The following ZNF248 variants were observed in gnomAD, a reference collection of about 807,000 sequenced individuals.
The protein encoded by ZNF248 is KRAB protein domain.
Under a neutral mutation model 44.3 loss-of-function variants are expected in ZNF248, and 20 were observed. That is an observed-to-expected ratio of 0.45 (90% confidence interval 0.32 to 0.66). The LOEUF is 0.66. ZNF248 is among the 30% of genes least tolerant of loss of function. The pLI is 0.04. For missense variants in ZNF248, 654 were observed against 677.0 expected (o/e 0.97, Z 0.38); for synonymous variants, 224 against 229.0 (o/e 0.98, Z 0.20).
At chr10:37,785,922 C>T (rs751162428) in intron 6 of ZNF248, among the ~76,000 whole-genome samples, 4 of 152,164 alleles carry the variant, frequency 2.6e-5, no homozygotes, top group African/African-American at 7.2e-5. Context: ...GTAGTGCACA[C>T]AAATTGTGCA....
chr10:37,791,042 CTTTTTTTTTTT>C (rs869199263), intron 6 of ZNF248, among the ~76,000 whole-genome samples: 562 of 50,904 alleles, frequency 0.011, 3 homozygotes, highest in African/African-American at 0.037. Context: ...TTTGTTATTT[CTTTTTTTTTTT>C]TTTTTTTTTT....
intron 6 of ZNF248, among the ~76,000 whole-genome samples, chr10:37,789,995 C>G (rs1341016884): frequency 6.6e-6 from 1 of 151,976 alleles, no homozygotes; most frequent in Admixed American, 6.6e-5. Context: ...GGCGCCATGG[C>G]TCATGCCTGT....
intron 6 of ZNF248, among the ~76,000 whole-genome samples, chr10:37,786,045 A>G (rs913265310): frequency 6.6e-6 from 1 of 152,204 alleles, no homozygotes; most frequent in Non-Finnish European, 1.5e-5. Context: ...TGTTCACACA[A>G]GCCCAAGAAT....
the ZNF248 span, among the ~76,000 whole-genome samples, chr10:37,767,806 C>G: frequency 6.6e-6 from 1 of 152,150 alleles, no homozygotes; most frequent in South Asian, 2.1e-4. Context: ...GGACTAAATG[C>G]TCCAATTAAA....
At chr10:37,844,821 AAGAC>A (rs1451935354) in intron 3 of ZNF248, among the ~76,000 whole-genome samples, 4 of 152,108 alleles carry the variant, frequency 2.6e-5, no homozygotes, top group African/African-American at 7.2e-5. Flanking sequence ...AACAATTCGA[AAGAC>A]AGAAAAAAAA....
chr10:37,827,851 G>T (rs1241499275), downstream of ZNF248, among the ~76,000 whole-genome samples: 2 of 152,152 alleles, frequency 1.3e-5, no homozygotes, highest in Non-Finnish European at 2.9e-5. Context: ...TACAGGTAGG[G>T]TGTGAAGTGA....
chr10:37,844,827 GA>G (rs200808985), intron 3 of ZNF248, among the ~76,000 whole-genome samples: 5 of 151,652 alleles, frequency 3.3e-5, no homozygotes, highest in Admixed American at 2.0e-4. Context: ...TCGAAAGACA[GA>G]AAAAAAACAG....
the ZNF248 span, among the ~76,000 whole-genome samples, chr10:37,770,895 A>G: frequency 6.6e-6 from 1 of 152,252 alleles, no homozygotes; most frequent in Non-Finnish European, 1.5e-5. Context: ...TAATATCCGG[A>G]ATCTACAATG....
At position 37,819,379 on chromosome 10, in the gene ZNF248, T is replaced by C. The variant is rs542119625; in HGVS notation, c.330+13646A>G. 226 of 1,344,090 alleles carry C rather than the reference T, an allele frequency of 1.7e-4. No homozygotes were observed. The African/African-American group carries it at 3.1e-3, about 18-fold the overall frequency. The allele number at this position is 1,344,090 out of a possible 1,614,324, so 83.3% of individuals were successfully genotyped here. On this transcript the variant is annotated intron_variant, in intron 6 of 6. Coordinates refer to the ZNF248 transcript ENST00000615949. ...GATCCAGTTCTTTATGAATCCAGTA[T>C]TCCCTACATGCATGCTTGTGGTAAT...
intron 6 of ZNF248, among the ~76,000 whole-genome samples, chr10:37,786,612 T>C (rs2047900860): frequency 6.6e-6 from 1 of 152,222 alleles, no homozygotes; most frequent in South Asian, 2.1e-4. Context: ...AATCATTCCA[T>C]TGAAAAAATA....
rs2133893031 is a variant in ZNF248, at chr10:37,831,794, T to A, written c.1561A>T (p.Lys521Ter). 6.2e-7 allele frequency: 1 copy of A among 1,612,644 alleles called. No homozygotes were observed. The highest frequency in any genetic ancestry group is 1.7e-5 in the Admixed American group (1 of 59,914). Residue 521 changes from lysine to a stop codon, truncating the protein, a stop_gained, in exon 6 of 6, where the codon AAG becomes TAG. Transcript: ENST00000395867. LOFTEE classifies it high-confidence loss of function. ...AAGGTTTTCCCACATTCATTACACT[T>A]ATATGGTTTCTCCCCAGTGTGAGTT... ...QRTHTGEKPY[K>*]CNECGKTFCE...
At chr10:37,780,743 C>T (rs914511267) in intron 6 of ZNF248, among the ~76,000 whole-genome samples, 4 of 152,124 alleles carry the variant, frequency 2.6e-5, no homozygotes, top group Non-Finnish European at 5.9e-5. Context: ...CCCGGCCACC[C>T]TCCGACTCAC....
chr10:37,851,195 A>T (rs190775758), intron 3 of ZNF248, among the ~76,000 whole-genome samples: 2 of 152,372 alleles, frequency 1.3e-5, no homozygotes, highest in Admixed American at 6.5e-5. Context: ...AGTAGACACA[A>T]GAAAGCTGTC....
chr10:37,774,398 G>A (rs1469038507), downstream of ZNF248, among the ~76,000 whole-genome samples: 2 of 152,166 alleles, frequency 1.3e-5, no homozygotes, highest in African/African-American at 2.4e-5. Flanking sequence ...CTTTAAAAGC[G>A]CTAAATTCAC....
intron 5 of ZNF248, 56 bp downstream of exon 5, chr10:37,837,561 A>G: frequency 6.9e-7 from 1 of 1,443,612 alleles, no homozygotes; most frequent in South Asian, 1.2e-5. Context: ...ATCCTAAACC[A>G]ATTACCTAAG....
At chr10:37,846,725 TA>T (rs1293560054) in intron 3 of ZNF248, among the ~76,000 whole-genome samples, 1 of 152,114 alleles carries the variant, frequency 6.6e-6, no homozygotes, top group Non-Finnish European at 1.5e-5. Context: ...CAATCTATGA[TA>T]AATTCTTAGC....
intron 6 of ZNF248, among the ~76,000 whole-genome samples, chr10:37,804,721 C>T (rs1440278978): frequency 4.6e-5 from 7 of 152,170 alleles, no homozygotes; most frequent in African/African-American, 4.8e-5. Flanking sequence ...GGATTACAGG[C>T]GTCAGCCACG....
chr10:37,825,951 T>C (rs116160701), downstream of ZNF248, among the ~76,000 whole-genome samples: 909 of 151,046 alleles, frequency 6.0e-3, 6 homozygotes, highest in African/African-American at 0.021. Flanking sequence ...TGTAGAAAGG[T>C]ATATGCTCAA....
chr10:37,809,469 G>C (rs536206423), intron 6 of ZNF248, among the ~76,000 whole-genome samples: 64 of 152,140 alleles, frequency 4.2e-4, no homozygotes, highest in African/African-American at 1.4e-3. Flanking sequence ...GTAGAGACAG[G>C]GTTTCACCAT....
Sources: gnomAD v4.1 joint callset for allele counts (sites outside exome capture counted in the v4.1 genomes callset) on GRCh38, gnomAD v4.1.1 for gene constraint, MANE v1.5 for transcripts, NCBI Gene and HGNC (gene_info 2026-07-23, HGNC 2026-07-21) for gene names.